Variants in ABTB3 observed in about 807,000 individuals in gnomAD.
ABTB3 encodes ankyrin repeat and BTB domain containing 3.
the ABTB3 span, among the ~76,000 whole-genome samples, chr12:107,536,145 CA>C: frequency 2.0e-5 from 3 of 152,080 alleles, no homozygotes; most frequent in Non-Finnish European, 4.4e-5. Context: ...AGGGAAAGGA[CA>C]CTCTTTTCAA....
At chr12:107,368,648 G>A in the ABTB3 span, among the ~76,000 whole-genome samples, 1 of 152,114 alleles carries the variant, frequency 6.6e-6, no homozygotes. Flanking sequence ...TACAAACTTG[G>A]TTTCGATAAT....
the ABTB3 span, among the ~76,000 whole-genome samples, chr12:107,345,853 G>C: frequency 2.6e-5 from 4 of 152,238 alleles, no homozygotes; most frequent in Admixed American, 6.5e-5. Context: ...TGACGAGCTA[G>C]AGAAGCTACT....
chr12:107,396,721 A>G, the ABTB3 span, among the ~76,000 whole-genome samples: 1 of 152,238 alleles, frequency 6.6e-6, no homozygotes, highest in Admixed American at 6.5e-5. Flanking sequence ...TCATATTTGC[A>G]TGATTCTCTC....
At chr12:107,331,665 C>T in the ABTB3 span, among the ~76,000 whole-genome samples, 1 of 152,172 alleles carries the variant, frequency 6.6e-6, no homozygotes, top group Admixed American at 6.5e-5. Context: ...GCTCCTCCTT[C>T]CCACCCGGAA....
At chr12:107,553,428 C>A in the ABTB3 span, among the ~76,000 whole-genome samples, 1 of 152,182 alleles carries the variant, frequency 6.6e-6, no homozygotes, top group Non-Finnish European at 1.5e-5. Context: ...ATTGGGGCAA[C>A]TCTATAAGTA....
At chr12:107,333,517 T>C in the ABTB3 span, among the ~76,000 whole-genome samples, 1 of 152,130 alleles carries the variant, frequency 6.6e-6, no homozygotes, top group Non-Finnish European at 1.5e-5. Context: ...GGCAAGTGAC[T>C]TAACCTCTTT....
the ABTB3 span, among the ~76,000 whole-genome samples, chr12:107,558,170 G>A: frequency 6.6e-6 from 1 of 152,226 alleles, no homozygotes; most frequent in Admixed American, 6.5e-5. Flanking sequence ...CAGAGATAGT[G>A]GGGGACGCAT....
chr12:107,618,908 G>A, the ABTB3 span, among the ~76,000 whole-genome samples: 1 of 152,160 alleles, frequency 6.6e-6, no homozygotes, highest in Non-Finnish European at 1.5e-5. Flanking sequence ...GCTTCAGAGG[G>A]CAAAGCCACT....
chr12:107,495,955 T>G, the ABTB3 span, among the ~76,000 whole-genome samples: 3 of 152,164 alleles, frequency 2.0e-5, no homozygotes, highest in African/African-American at 4.8e-5. Flanking sequence ...AACTGTAGAA[T>G]GATGAAGATG....
the ABTB3 span, chr12:107,650,140 G>A: frequency 6.6e-6 from 1 of 152,118 alleles, no homozygotes; most frequent in Non-Finnish European, 1.5e-5. Context: ...GTTACAACAC[G>A]GAAGCTGGGC....
chr12:107,376,245 TG>T, the ABTB3 span, among the ~76,000 whole-genome samples: 1 of 152,210 alleles, frequency 6.6e-6, no homozygotes, highest in African/African-American at 2.4e-5. Context: ...CAAACATATT[TG>T]GTTCTTTTGT....
the ABTB3 span, among the ~76,000 whole-genome samples, chr12:107,643,892 T>C: frequency 6.6e-6 from 1 of 151,818 alleles, no homozygotes; most frequent in African/African-American, 2.4e-5. Context: ...GCCTCCTGAG[T>C]AGCTGGGAGT....
At chr12:107,543,544 A>G in the ABTB3 span, among the ~76,000 whole-genome samples, 1 of 152,084 alleles carries the variant, frequency 6.6e-6, no homozygotes, top group East Asian at 1.9e-4. Context: ...CTCAGGGGCA[A>G]TAGAGAGCAT....
chr12:107,409,087 G>A, the ABTB3 span, among the ~76,000 whole-genome samples: 19 of 152,226 alleles, frequency 1.2e-4, no homozygotes, highest in East Asian at 1.7e-3. Context: ...CTCCCTCTCC[G>A]TCCCCCTCAC....
chr12:107,329,946 C>T, the ABTB3 span, among the ~76,000 whole-genome samples: 2 of 152,152 alleles, frequency 1.3e-5, no homozygotes, highest in Admixed American at 6.5e-5. Flanking sequence ...GAGAGACATA[C>T]AGGCTATTAG....
chr12:107,402,299 C>T, the ABTB3 span, among the ~76,000 whole-genome samples: 35 of 152,258 alleles, frequency 2.3e-4, 1 homozygote, highest in South Asian at 6.6e-3. Flanking sequence ...ATGTGCTTAA[C>T]GATACTGCCT....
At chr12:107,399,118 C>A in the ABTB3 span, among the ~76,000 whole-genome samples, 1 of 152,120 alleles carries the variant, frequency 6.6e-6, no homozygotes, top group Non-Finnish European at 1.5e-5. Context: ...TGGAGTGGAC[C>A]ACCGTGTCTT....
chr12:107,543,601 G>C, the ABTB3 span, among the ~76,000 whole-genome samples: 1 of 152,104 alleles, frequency 6.6e-6, no homozygotes, highest in Non-Finnish European at 1.5e-5. Flanking sequence ...CCACAACATA[G>C]AGGGTGTGTC....
the ABTB3 span, among the ~76,000 whole-genome samples, chr12:107,373,785 C>T: frequency 8.0e-4 from 121 of 151,776 alleles, no homozygotes; most frequent in African/African-American, 2.8e-3. Context: ...CTTTCTCTTC[C>T]CTGGAGAGAG....
Sources: gnomAD v4.1 joint callset for allele counts (sites outside exome capture counted in the v4.1 genomes callset) on GRCh38, gnomAD v4.1.1 for gene constraint, MANE v1.5 for transcripts, NCBI Gene and HGNC (gene_info 2026-07-23, HGNC 2026-07-21) for gene names.